The following ZC3H12B variants were observed in gnomAD, a reference collection of about 807,000 sequenced individuals.
ZC3H12B encodes zinc finger CCCH-type containing 12B.
In ZC3H12B, 7 loss-of-function variants were observed where a neutral mutation model predicts 43.9. The ratio of observed to expected loss-of-function variants is 0.16; its 90% CI spans 0.09 to 0.30. ZC3H12B has a LOEUF of 0.30. ZC3H12B is among the 10% of genes least tolerant of loss of function. The pLI is 1.00. For missense variants in ZC3H12B, 475 were observed against 670.2 expected, an observed-to-expected ratio of 0.71 and a Z score of 3.22; for synonymous variants, 222 against 241.7, an observed-to-expected ratio of 0.92 and a Z score of 0.76.
intron 3 of ZC3H12B, among the ~76,000 whole-genome samples, chrX:65,454,098 T>G (rs1272284692): frequency 1.8e-5 from 2 of 112,212 alleles, no homozygotes; most frequent in Non-Finnish European, 3.8e-5. Context: ...CATTTCCAAA[T>G]GAGGTACCAG....
At chrX:65,431,121 C>G (rs2067156961) in intron 3 of ZC3H12B, among the ~76,000 whole-genome samples, 1 of 112,530 alleles carries the variant, frequency 8.9e-6, no homozygotes, top group Non-Finnish European at 1.9e-5. Flanking sequence ...AGCTTATTAC[C>G]TACTTCTTTT....
chrX:65,246,375 A>G, the ZC3H12B span, among the ~76,000 whole-genome samples: 1 of 112,259 alleles, frequency 8.9e-6, no homozygotes, highest in Non-Finnish European at 1.9e-5. Flanking sequence ...TTATTAAACC[A>G]CCATTGACAT....
At chrX:65,296,370 G>A in the ZC3H12B span, among the ~76,000 whole-genome samples, 1 of 110,915 alleles carries the variant, frequency 9.0e-6, no homozygotes, top group Non-Finnish European at 1.9e-5. Context: ...AGAGACTGGC[G>A]AGGGATAAAA....
At chrX:65,193,195 T>A in the ZC3H12B span, among the ~76,000 whole-genome samples, 1 of 110,226 alleles carries the variant, frequency 9.1e-6, no homozygotes, top group Admixed American at 9.7e-5. Context: ...ATGGAAGTCT[T>A]CCTTCCTCCT....
At chrX:65,350,444 C>A in the ZC3H12B span, among the ~76,000 whole-genome samples, 1 of 111,720 alleles carries the variant, frequency 9.0e-6, no homozygotes, top group Admixed American at 9.5e-5. Flanking sequence ...TCTCACACCT[C>A]CTATTCAACA....
chrX:65,348,016 A>G, the ZC3H12B span, among the ~76,000 whole-genome samples: 2 of 107,846 alleles, frequency 1.9e-5, no homozygotes, highest in Non-Finnish European at 3.8e-5. Flanking sequence ...GTGTTCTCAT[A>G]GGTGGGAATT....
chrX:65,415,482 G>C (rs1602404366), intron 3 of ZC3H12B, among the ~76,000 whole-genome samples: 2 of 112,462 alleles, frequency 1.8e-5, no homozygotes, highest in South Asian at 7.4e-4. Flanking sequence ...TGATACTCTA[G>C]TAAAGTTAGG....
chrX:65,246,538 G>A, the ZC3H12B span, among the ~76,000 whole-genome samples: 1 of 111,872 alleles, frequency 8.9e-6, no homozygotes, highest in Non-Finnish European at 1.9e-5. Context: ...AACCAAAACA[G>A]CCTGGTACTG....
chrX:65,483,724 ATT>A (rs968047158), intron 3 of ZC3H12B, among the ~76,000 whole-genome samples: 6 of 112,377 alleles, frequency 5.3e-5, no homozygotes, highest in Non-Finnish European at 1.1e-4. Context: ...TTTATAACTT[ATT>A]TTATTTGCCA....
At chrX:65,495,435 G>A (rs1472234841) in intron 1 of ZC3H12B, among the ~76,000 whole-genome samples, 1 of 112,048 alleles carries the variant, frequency 8.9e-6, no homozygotes, top group Non-Finnish European at 1.9e-5. Flanking sequence ...GTTGTAGTTA[G>A]TGAGCTAGTG....
At chrX:65,410,754 T>C (rs1417157729) in intron 3 of ZC3H12B, among the ~76,000 whole-genome samples, 1 of 111,835 alleles carries the variant, frequency 8.9e-6, no homozygotes, top group Non-Finnish European at 1.9e-5. Context: ...CAAAGTACAA[T>C]AAGATATCAT....
chrX:65,120,633 C>T, the ZC3H12B span, among the ~76,000 whole-genome samples: 29 of 110,955 alleles, frequency 2.6e-4, no homozygotes, highest in East Asian at 8.3e-3. Flanking sequence ...AATTGAATAC[C>T]CTTTATTTCC....
intron 3 of ZC3H12B, among the ~76,000 whole-genome samples, chrX:65,442,937 A>G (rs1297039624): frequency 9.0e-6 from 1 of 110,854 alleles, no homozygotes; most frequent in African/African-American, 3.3e-5. Context: ...CGCTGCTTGA[A>G]CAGTCACTGG....
chrX:65,309,880 C>G, the ZC3H12B span, among the ~76,000 whole-genome samples: 2 of 112,105 alleles, frequency 1.8e-5, no homozygotes, highest in East Asian at 2.8e-4. Flanking sequence ...ATCACATAAA[C>G]AGAACCAAAG....
At chrX:65,279,084 G>GATTA in the ZC3H12B span, among the ~76,000 whole-genome samples, 7 of 110,652 alleles carry the variant, frequency 6.3e-5, no homozygotes, top group East Asian at 2.0e-3. Context: ...TTGGTATTGT[G>GATTA]ATTAATGAAC....
chrX:65,055,192 TG>T, the ZC3H12B span, among the ~76,000 whole-genome samples: 1 of 111,710 alleles, frequency 9.0e-6, no homozygotes, highest in African/African-American at 3.3e-5. Flanking sequence ...TTCCAATTTT[TG>T]CCCATTCAGT....
chrX:65,496,958 A>G (rs962442872), intron 1 of ZC3H12B, among the ~76,000 whole-genome samples, 174 bp from the exon 7 acceptor site: 2 of 110,195 alleles, frequency 1.8e-5, no homozygotes, highest in African/African-American at 3.3e-5. Context: ...CAAAAAAAAA[A>G]AAAAAAGAAA....
chrX:65,483,979 C>T (rs994589921), upstream of ZC3H12B, among the ~76,000 whole-genome samples: 13 of 112,041 alleles, frequency 1.2e-4, no homozygotes, highest in African/African-American at 3.9e-4. Context: ...ATATGTACCA[C>T]ATTTTCTTTA....
At chrX:65,231,381 G>T in the ZC3H12B span, among the ~76,000 whole-genome samples, 1 of 111,235 alleles carries the variant, frequency 9.0e-6, no homozygotes, top group Admixed American at 9.6e-5. Flanking sequence ...CAGGAAACAG[G>T]GTTCGAGAGC....
Sources: gnomAD v4.1 joint callset for allele counts (sites outside exome capture counted in the v4.1 genomes callset) on GRCh38, gnomAD v4.1.1 for gene constraint, MANE v1.5 for transcripts, NCBI Gene and HGNC (gene_info 2026-07-23, HGNC 2026-07-21) for gene names.